The following RASA3 variants were observed in gnomAD, a reference collection of about 807,000 sequenced individuals.
RASA3 encodes RAS p21 protein activator 3.
Under a neutral mutation model 110.0 loss-of-function variants are expected in RASA3, and 73 were observed. That is an observed-to-expected ratio of 0.66 (90% CI 0.55 to 0.81). The LOEUF (loss-of-function observed/expected upper bound fraction) is 0.81. Among genes scored for constraint, RASA3 ranks in the 30% least tolerant of loss-of-function variants. The probability of loss-of-function intolerance (pLI) is 0.00; values close to 1 mark genes in which losing one functional copy is unlikely to be tolerated. For missense variants in RASA3, 976 were observed against 1,113.2 expected (o/e 0.88, Z 1.75); for synonymous variants, 500 against 451.4 (o/e 1.11, Z -1.37).
chr13:114,062,626 G>A (rs1427838671), intron 2 of RASA3, among the ~76,000 whole-genome samples: 1 of 151,164 alleles, frequency 6.6e-6, no homozygotes, highest in African/African-American at 2.4e-5. Context: ...CGTGCTCACA[G>A]CCCACGTCCG....
chr13:114,116,815 A>AGGGGTGC (rs2080282718), intron 1 of RASA3, among the ~76,000 whole-genome samples: 1 of 116,726 alleles, frequency 8.6e-6, no homozygotes, highest in African/African-American at 3.6e-5. Context: ...CATGTGTGTG[A>AGGGGTGC]AGAGAGCACG....
At chr13:114,042,545 C>T (rs1480946457) in intron 3 of RASA3, among the ~76,000 whole-genome samples, 3 of 152,260 alleles carry the variant, frequency 2.0e-5, no homozygotes, top group African/African-American at 7.2e-5. Context: ...TCCCCGCAGA[C>T]CCGGTTCACC....
In RASA3 at chr13:113,999,611, C is replaced by T; in HGVS notation, c.1906G>A (p.Glu636Lys). 6.2e-7 allele frequency: 1 copy of T among 1,613,300 alleles called. No homozygotes were observed. The part of the protein sequence containing the change: ...IENILAVEKL[E>K]EESFKMKNMF... ...TTTTTCATTTTGAAAGACTCCTCCT[C>T]CAGCTTCTCCACTGCCAGGATGTTC... The change falls in exon 20 of 24, where the codon GAG (glutamate) becomes AAG (lysine). Residue 636 changes from glutamate to lysine, a missense_variant. Physicochemically the swap from Glu to Lys is moderately conservative, Grantham distance 56. This residue lies in a region of RASA3 where 109 missense variants were observed against 162.5 expected (regional missense o/e 0.67). Transcript: ENST00000334062.
chr13:114,007,740 C>A, intron 17 of RASA3, 134 bp from the exon 18 acceptor site: 1 of 746,356 alleles, frequency 1.3e-6, no homozygotes, highest in Non-Finnish European at 2.3e-6. Flanking sequence ...GCAAGTGAGT[C>A]CTTCCCCGAG....
At chr13:114,125,855 C>T (rs2080439785) in intron 1 of RASA3, among the ~76,000 whole-genome samples, 1 of 152,120 alleles carries the variant, frequency 6.6e-6, no homozygotes, top group South Asian at 2.1e-4. Context: ...CACCACAGTT[C>T]CACAACGGCT....
intron 3 of RASA3, among the ~76,000 whole-genome samples, chr13:114,043,141 G>A (rs2054450614): frequency 6.6e-6 from 1 of 151,190 alleles, no homozygotes; most frequent in South Asian, 2.1e-4. Context: ...AAACTCAGAG[G>A]GTCTGAGACA....
chr13:114,109,788 C>CG (rs1334759782), intron 1 of RASA3, among the ~76,000 whole-genome samples: 7 of 152,088 alleles, frequency 4.6e-5, no homozygotes, highest in African/African-American at 1.7e-4. Flanking sequence ...TCACCAGAGG[C>CG]GGGGCTGGCG....
chr13:114,107,326 C>G (rs933700462), intron 1 of RASA3, among the ~76,000 whole-genome samples: 7 of 152,114 alleles, frequency 4.6e-5, no homozygotes, highest in Non-Finnish European at 7.4e-5. Context: ...CCTGTGTGTC[C>G]CTCCTTCGTG....
At chr13:114,009,515 C>T (rs41291213) in intron 16 of RASA3, 51 bp from the exon 17 acceptor site, 204,441 of 1,235,140 alleles carry the variant, frequency 0.17, 19,140 homozygotes, top group Middle Eastern at 0.2. Context: ...CCTCGGCTCA[C>T]GGCCCAAATC....
chr13:114,053,585 A>G (rs779176494), intron 2 of RASA3, among the ~76,000 whole-genome samples: 16 of 152,244 alleles, frequency 1.1e-4, no homozygotes, highest in Non-Finnish European at 2.1e-4. Flanking sequence ...ACAGTCACCA[A>G]CGGCACAGGC....
chr13:114,097,939 G>A (rs1594450433), intron 1 of RASA3, among the ~76,000 whole-genome samples: 1 of 152,320 alleles, frequency 6.6e-6, no homozygotes, highest in South Asian at 2.1e-4. Context: ...CACCACAGGG[G>A]GTCCAGGGAG....
chr13:114,070,236 G>A (rs1413578107), intron 2 of RASA3, among the ~76,000 whole-genome samples: 34 of 148,768 alleles, frequency 2.3e-4, no homozygotes, highest in Non-Finnish European at 3.3e-4. Flanking sequence ...TGGGAGACTC[G>A]GGGACCAGGA....
At chr13:114,025,250 T>C (rs920934516) in intron 7 of RASA3, among the ~76,000 whole-genome samples, 4 of 152,272 alleles carry the variant, frequency 2.6e-5, no homozygotes, top group Non-Finnish European at 4.4e-5. Context: ...TTGCACTTCC[T>C]GATTGGTAAA....
At chr13:114,105,195 G>A (rs2080117428) in intron 1 of RASA3, among the ~76,000 whole-genome samples, 1 of 152,096 alleles carries the variant, frequency 6.6e-6, no homozygotes, top group South Asian at 2.1e-4. Flanking sequence ...CAGGAGGAGG[G>A]CAGGTCCGGG....
chr13:113,992,713 A>G, intron 21 of RASA3, 125 bp from the exon 22 acceptor site: 1 of 790,852 alleles, frequency 1.3e-6, no homozygotes, highest in Non-Finnish European at 2.1e-6. Flanking sequence ...GAAATTCGAC[A>G]GGATCGATTT....
intron 1 of RASA3, among the ~76,000 whole-genome samples, chr13:114,122,917 G>A (rs1249496000): frequency 2.6e-5 from 4 of 152,226 alleles, no homozygotes; most frequent in African/African-American, 7.2e-5. Flanking sequence ...AAGGGCTCTA[G>A]GAAGGAAAAG....
Position 114,132,581 on chromosome 13 carries a change from C to T in RASA3, c.-92G>A. Reference sequence around the variant, plus strand: ...CAGGAGGAGCGGCGGCGCCGGAGCCCCGAGCGCGGCCGAGGGTCCGCCCGC... The same window carrying T: ...CAGGAGGAGCGGCGGCGCCGGAGCCTCGAGCGCGGCCGAGGGTCCGCCCGC... On this transcript the variant is annotated 5_prime_UTR_variant, in exon 1 of 24. Coordinates refer to ENST00000334062, the MANE Select transcript of RASA3 (RefSeq NM_007368.4). The T allele has an allele frequency of 9.1e-7, 1 of 1,093,574 alleles. No homozygotes were observed. The highest frequency in any genetic ancestry group is 4.3e-5 in the South Asian group (1 of 23,290). The allele number at this position is 1,093,574 out of a possible 1,614,324, so 67.7% of individuals were successfully genotyped here.
chr13:114,024,089 C>T (rs1226581894), intron 8 of RASA3, among the ~76,000 whole-genome samples, 190 bp downstream of exon 8: 1 of 152,256 alleles, frequency 6.6e-6, no homozygotes, highest in Non-Finnish European at 1.5e-5. Context: ...GCAGGTATTG[C>T]AAGGTGAGCC....
intron 2 of RASA3, among the ~76,000 whole-genome samples, chr13:114,053,921 T>C (rs938188909): frequency 1.1e-4 from 16 of 152,058 alleles, no homozygotes; most frequent in Non-Finnish European, 5.9e-5. Flanking sequence ...AGATCAGGAG[T>C]TCGAGACCAG....
Sources: gnomAD v4.1 joint callset for allele counts (sites outside exome capture counted in the v4.1 genomes callset) on GRCh38, gnomAD v4.1.1 for gene constraint, gnomAD v4.1.1 regional missense constraint, MANE v1.5 for transcripts, NCBI Gene and HGNC (gene_info 2026-07-23, HGNC 2026-07-21) for gene names.